Variants in COLEC12 observed in about 807,000 individuals in gnomAD.
COLEC12 encodes the protein collectin-12.
Under a neutral mutation model 71.1 loss-of-function variants are expected in COLEC12, and 33 were observed. The observed-to-expected ratio is 0.46, with a 90% CI of 0.35 to 0.62. The LOEUF (loss-of-function observed/expected upper bound fraction) is 0.62. Ranked by LOEUF, COLEC12 falls within the 20% of genes least tolerant of loss-of-function variation. The pLI is 0.00. For missense variants in COLEC12, 765 were observed against 916.1 expected (o/e 0.84, Z 2.13); for synonymous variants, 350 against 353.0 (o/e 0.99, Z 0.10).
intron 2 of COLEC12, among the ~76,000 whole-genome samples, chr18:374,885 A>G (rs1398533647): frequency 6.6e-6 from 1 of 152,232 alleles, no homozygotes; most frequent in African/African-American, 2.4e-5. Context: ...AGTGCAGAGC[A>G]GTGGCAAAGG....
intron 3 of COLEC12, among the ~76,000 whole-genome samples, chr18:348,812 A>AT (rs1167241652): frequency 3.3e-5 from 5 of 152,156 alleles, no homozygotes; most frequent in Non-Finnish European, 7.4e-5. Context: ...GCCAAGAAGT[A>AT]TTTTTTGGTA....
intron 8 of COLEC12, among the ~76,000 whole-genome samples, chr18:323,500 T>C (rs1280403755): frequency 2.6e-5 from 4 of 152,118 alleles, no homozygotes; most frequent in African/African-American, 9.7e-5. Flanking sequence ...TCACAATGAG[T>C]TCAAAATCTC....
chr18:441,858 G>A (rs1369537396), intron 2 of COLEC12, among the ~76,000 whole-genome samples: 1 of 151,928 alleles, frequency 6.6e-6, no homozygotes, highest in Non-Finnish European at 1.5e-5. Context: ...AAATTAGCCA[G>A]GTGTGGTGGC....
intron 3 of COLEC12, among the ~76,000 whole-genome samples, chr18:356,343 T>C (rs1914628382): frequency 6.6e-6 from 1 of 152,170 alleles, no homozygotes; most frequent in African/African-American, 2.4e-5. Flanking sequence ...AGACATAGCA[T>C]GACCCCTGGC....
At position 369,228 on chromosome 18, in the gene COLEC12, A is replaced by G. The variant is rs569670990; in HGVS notation, c.59-11706T>C. On this transcript the variant is annotated intron_variant, in intron 2 of 9. Coordinates refer to ENST00000400256, the MANE Select transcript of COLEC12 (RefSeq NM_130386.3). ...ATCCATTGCATTTAAACAAGTAAAG[A>G]GCACATACCACTTAATGCAACTGAT... Among the ~76,000 whole-genome samples, 13 of 152,168 alleles carry G rather than the reference A, an allele frequency of 8.5e-5. 1 individual carries two copies. The South Asian group carries it at 1.9e-3, about 22-fold the overall frequency.
At chr18:350,561 A>T (rs1200830593) in intron 3 of COLEC12, among the ~76,000 whole-genome samples, 1 of 152,172 alleles carries the variant, frequency 6.6e-6, no homozygotes, top group African/African-American at 2.4e-5. Context: ...TCCAAAAGTG[A>T]TTTATGTGAG....
intron 2 of COLEC12, among the ~76,000 whole-genome samples, chr18:387,554 T>C (rs77778150): frequency 0.013 from 1,998 of 152,276 alleles, 16 homozygotes; most frequent in South Asian, 0.036. Flanking sequence ...GGTGGACATG[T>C]TTGAAGGCGT....
chr18:403,976 T>G (rs919774950), intron 2 of COLEC12, among the ~76,000 whole-genome samples: 14 of 152,220 alleles, frequency 9.2e-5, no homozygotes, highest in African/African-American at 2.9e-4. Context: ...TTTCCCCAAA[T>G]GTATTCCTGG....
At chr18:424,977 C>T (rs889545936) in intron 2 of COLEC12, among the ~76,000 whole-genome samples, 8 of 152,128 alleles carry the variant, frequency 5.3e-5, no homozygotes, top group African/African-American at 1.9e-4. Flanking sequence ...CCTTCCCTTA[C>T]TCACAATAAG....
intron 1 of COLEC12, among the ~76,000 whole-genome samples, chr18:482,582 G>A (rs1243048905): frequency 6.6e-6 from 1 of 152,140 alleles, no homozygotes; most frequent in Non-Finnish European, 1.5e-5. Context: ...TGTGGCTTCA[G>A]AGGTGAGTAA....
chr18:359,115 G>T (rs1433878204), intron 2 of COLEC12, among the ~76,000 whole-genome samples: 3 of 152,178 alleles, frequency 2.0e-5, no homozygotes, highest in African/African-American at 4.8e-5. Flanking sequence ...CCTATTGATT[G>T]GTCCCTTGAT....
chr18:358,052 C>G (rs1378282445), intron 2 of COLEC12, among the ~76,000 whole-genome samples: 1 of 152,174 alleles, frequency 6.6e-6, no homozygotes, highest in Non-Finnish European at 1.5e-5. Context: ...GTTGCATGCT[C>G]CTTATGAGAA....
chr18:427,548 C>T (rs1453260734), intron 2 of COLEC12, among the ~76,000 whole-genome samples: 1 of 152,044 alleles, frequency 6.6e-6, no homozygotes, highest in Non-Finnish European at 1.5e-5. Context: ...AGTCCCTAGA[C>T]GGTGGTTCAG....
chr18:457,243 G>GC (rs1160979269), intron 2 of COLEC12, among the ~76,000 whole-genome samples: 1 of 152,166 alleles, frequency 6.6e-6, no homozygotes, highest in Non-Finnish European at 1.5e-5. Flanking sequence ...TGGGAACGGA[G>GC]CCCCCTAAGC....
intron 8 of COLEC12, among the ~76,000 whole-genome samples, chr18:329,936 G>T (rs1913934117): frequency 6.6e-6 from 1 of 152,104 alleles, no homozygotes; most frequent in Non-Finnish European, 1.5e-5. Context: ...AATTAGCCGG[G>T]TGTGGTGATG....
intron 2 of COLEC12, among the ~76,000 whole-genome samples, chr18:391,663 C>A (rs910680545): frequency 2.0e-5 from 3 of 152,162 alleles, no homozygotes; most frequent in Non-Finnish European, 4.4e-5. Flanking sequence ...TATCTCCCAT[C>A]TTGGTATTTT....
At chr18:334,718 G>A in intron 6 of COLEC12, 24 bp downstream of exon 6, 1 of 1,454,128 alleles carries the variant, frequency 6.9e-7, no homozygotes, top group Non-Finnish European at 9.0e-7. Flanking sequence ...TGTCCCCCTG[G>A]CTGGAGGGAG....
intron 5 of COLEC12, among the ~76,000 whole-genome samples, chr18:345,882 G>A (rs1413610601): frequency 6.6e-6 from 1 of 152,250 alleles, no homozygotes; most frequent in Non-Finnish European, 1.5e-5. Context: ...TGAAGTGGAT[G>A]TGATGGTGTG....
intron 2 of COLEC12, chr18:423,714 T>C (rs919666529): frequency 2.0e-5 from 3 of 152,288 alleles, no homozygotes; most frequent in African/African-American, 7.2e-5. Flanking sequence ...GCTGGTCTGA[T>C]AGTAAGAACG....
Sources: gnomAD v4.1 joint callset for allele counts (sites outside exome capture counted in the v4.1 genomes callset) on GRCh38, gnomAD v4.1.1 for gene constraint, MANE v1.5 for transcripts, NCBI Gene and HGNC (gene_info 2026-07-23, HGNC 2026-07-21) for gene names.